The following NLK variants were observed in gnomAD, a reference collection of about 807,000 sequenced individuals.
NLK encodes nemo like kinase.
In NLK, 11 loss-of-function variants were observed where a neutral mutation model predicts 59.0. That is an observed-to-expected ratio of 0.19 (90% CI 0.12 to 0.31). NLK has a LOEUF of 0.31. Among genes scored for constraint, NLK ranks in the 10% least tolerant of loss-of-function variants. The probability of loss-of-function intolerance (pLI) is 1.00; values close to 1 mark genes in which losing one functional copy is unlikely to be tolerated. For synonymous variants in NLK, 235 were observed against 235.9 expected (o/e 1.00, Z 0.03); for missense variants, 410 against 661.1 (o/e 0.62, Z 4.16).
chr17:28,109,177 G>T lies in NLK; in HGVS notation c.459-13426G>T, dbSNP rs1007926204. ...CACAGCGAGACTTCGTCTCACAAAA[G>T]AAAAAAAAAAAAAAGATTTTTAAGA... On this transcript the variant is annotated intron_variant, in intron 1 of 10. Transcript: ENST00000407008. 6.2e-5 allele frequency among the ~76,000 whole-genome samples: 7 copies of T among 112,438 alleles called. No individual in the cohort carries two copies. In the South Asian group the frequency reaches 1.7e-3, roughly 28 times the overall value. 73.8% of individuals were successfully genotyped at this position (112,438 alleles called of 152,430 possible).
At chr17:28,114,654 G>T (rs1353042036) in intron 1 of NLK, among the ~76,000 whole-genome samples, 1 of 152,028 alleles carries the variant, frequency 6.6e-6, no homozygotes, top group East Asian at 1.9e-4. Context: ...TCTTCTATAC[G>T]TTATCTTCTA....
At chr17:28,186,669 A>G (rs1909129580) in intron 8 of NLK, among the ~76,000 whole-genome samples, 1 of 152,004 alleles carries the variant, frequency 6.6e-6, no homozygotes, top group Non-Finnish European at 1.5e-5. Flanking sequence ...GCAGGGAAAC[A>G]CCCCTTTTTA....
chr17:28,052,045 A>G (rs1909275796), intron 1 of NLK, among the ~76,000 whole-genome samples: 1 of 151,866 alleles, frequency 6.6e-6, no homozygotes, highest in East Asian at 1.9e-4. Context: ...GTTTTCTTCT[A>G]TTACTGAGTT....
At chr17:28,202,687 C>CTTTTTTTTT in the NLK span, among the ~76,000 whole-genome samples, 18 of 133,420 alleles carry the variant, frequency 1.3e-4, no homozygotes, top group Admixed American at 2.3e-4. Flanking sequence ...TCTTTTTTTT[C>CTTTTTTTTT]TTTTTTTTTT....
At chr17:28,161,359 T>C (rs1907997069) in intron 4 of NLK, 93 bp downstream of exon 4, 3 of 671,300 alleles carry the variant, frequency 4.5e-6, no homozygotes, top group Non-Finnish European at 7.8e-6. Flanking sequence ...TCCAAGGTTT[T>C]CTTCTTCTCT....
intron 1 of NLK, among the ~76,000 whole-genome samples, chr17:28,112,787 G>C (rs1461008098): frequency 1.3e-5 from 2 of 152,158 alleles, no homozygotes; most frequent in Non-Finnish European, 2.9e-5. Flanking sequence ...ATTAGATTAG[G>C]GGTGGGGCTG....
At chr17:28,066,346 T>C (rs1042649920) in intron 1 of NLK, among the ~76,000 whole-genome samples, 2 of 152,228 alleles carry the variant, frequency 1.3e-5, no homozygotes, top group African/African-American at 2.4e-5. Flanking sequence ...ACATATACCA[T>C]ATACCATACA....
intron 3 of NLK, among the ~76,000 whole-genome samples, chr17:28,152,532 A>G (rs754697803): frequency 9.2e-5 from 14 of 152,218 alleles, no homozygotes; most frequent in Non-Finnish European, 1.5e-4. Flanking sequence ...TGTTCTTCGC[A>G]TCCATGCAAG....
intron 10 of NLK, among the ~76,000 whole-genome samples, chr17:28,192,779 T>C (rs994767308): frequency 6.6e-6 from 1 of 152,214 alleles, no homozygotes; most frequent in East Asian, 1.9e-4. Flanking sequence ...TCATCACATA[T>C]ATGGCAGTCC....
the NLK span, among the ~76,000 whole-genome samples, chr17:28,201,531 G>A: frequency 3.3e-5 from 5 of 150,996 alleles, no homozygotes; most frequent in African/African-American, 1.2e-4. Flanking sequence ...GCGACAGTGA[G>A]ATTCCATGTC....
At chr17:28,109,346 T>C (rs1329453310) in intron 1 of NLK, among the ~76,000 whole-genome samples, 1 of 152,204 alleles carries the variant, frequency 6.6e-6, no homozygotes, top group East Asian at 1.9e-4. Context: ...ACAGTTGATA[T>C]TCTATGGTGA....
intron 3 of NLK, among the ~76,000 whole-genome samples, chr17:28,138,921 A>G (rs1162933509): frequency 6.6e-6 from 1 of 152,208 alleles, no homozygotes; most frequent in East Asian, 1.9e-4. Context: ...GGATACAATC[A>G]CATAAATAAT....
At chr17:28,071,902 A>C (rs1385684530) in intron 1 of NLK, among the ~76,000 whole-genome samples, 1 of 152,198 alleles carries the variant, frequency 6.6e-6, no homozygotes, top group African/African-American at 2.4e-5. Flanking sequence ...TGACCCAGGG[A>C]TGAAAAGGGC....
At chr17:28,060,684 G>A (rs945389748) in intron 1 of NLK, among the ~76,000 whole-genome samples, 1 of 152,304 alleles carries the variant, frequency 6.6e-6, no homozygotes, top group Admixed American at 6.5e-5. Flanking sequence ...AACATTAAAG[G>A]ATTTCACTTT....
At chr17:28,097,362 T>C (rs751824952) in intron 1 of NLK, among the ~76,000 whole-genome samples, 4 of 152,208 alleles carry the variant, frequency 2.6e-5, no homozygotes, top group Non-Finnish European at 4.4e-5. Flanking sequence ...GATATCTGTA[T>C]TTAACTTGGT....
At chr17:28,185,802 T>C (rs1196845377) in intron 8 of NLK, among the ~76,000 whole-genome samples, 1 of 152,102 alleles carries the variant, frequency 6.6e-6, no homozygotes, top group Non-Finnish European at 1.5e-5. Context: ...CCCCGCAAAG[T>C]GCTGGGATTA....
chr17:28,176,669 T>G (rs1185968594), intron 7 of NLK, among the ~76,000 whole-genome samples: 1 of 152,210 alleles, frequency 6.6e-6, no homozygotes, highest in African/African-American at 2.4e-5. Flanking sequence ...AAAATTTCAT[T>G]TGTATATCTG....
chr17:28,168,181 A>C (rs1322239516), intron 5 of NLK, among the ~76,000 whole-genome samples: 1 of 151,174 alleles, frequency 6.6e-6, no homozygotes, highest in Non-Finnish European at 1.5e-5. Context: ...CAAAAAAAAA[A>C]AAAAATTAGC....
intron 1 of NLK, among the ~76,000 whole-genome samples, chr17:28,081,131 C>G (rs1031305272): frequency 3.3e-5 from 5 of 151,684 alleles, no homozygotes; most frequent in Non-Finnish European, 7.4e-5. Context: ...CTCAAGTGAT[C>G]TACCTGCCTC....
Sources: allele counts gnomAD v4.1 joint callset (sites outside exome capture counted in the v4.1 genomes callset), GRCh38; gene constraint gnomAD v4.1.1; transcripts MANE v1.5; gene names NCBI Gene and HGNC (gene_info 2026-07-23, HGNC 2026-07-21).